Variants in GABRR2 observed in about 807,000 individuals in gnomAD.
GABRR2 encodes gamma-aminobutyric acid receptor subunit rho-2.
A neutral mutation model predicts 47.0 loss-of-function variants in GABRR2; 36 were observed. That is an observed-to-expected ratio of 0.77 (90% CI 0.59 to 1.01). The LOEUF is 1.01. Among genes scored for constraint, GABRR2 ranks in the 50% least tolerant of loss-of-function variants. GABRR2 has a pLI of 0.00. For missense variants in GABRR2, 587 were observed against 594.6 expected (o/e 0.99, Z 0.13); for synonymous variants, 204 against 227.5 (o/e 0.90, Z 0.93).
At chr6:89,295,534 G>A (rs1035983959) in intron 2 of GABRR2, among the ~76,000 whole-genome samples, 12 of 152,126 alleles carry the variant, frequency 7.9e-5, no homozygotes, top group Admixed American at 7.9e-4. Context: ...TTAGCCCTGT[G>A]TCAGATGAGT....
chr6:89,291,582 C>A (rs771929150), intron 2 of GABRR2, among the ~76,000 whole-genome samples: 1 of 152,004 alleles, frequency 6.6e-6, no homozygotes, highest in Non-Finnish European at 1.5e-5. Context: ...TTTTCCTCAC[C>A]GCTGGTGCTC....
At chr6:89,298,606 A>G (rs1195916607) in intron 2 of GABRR2, among the ~76,000 whole-genome samples, 6 of 152,214 alleles carry the variant, frequency 3.9e-5, no homozygotes, top group African/African-American at 1.4e-4. Flanking sequence ...AGGTTCATCA[A>G]CTGAAATTCT....
At position 89,315,228 on chromosome 6, in the gene GABRR2, CT is replaced by C. The variant is rs754285062; in HGVS notation, c.-64del. ...TAGCCTGTGGCAGAGCAAATCCCCC[CT>C]GGCTTGACCATTGATCCATCTGCTG... On this transcript the variant is annotated 5_prime_UTR_variant, in exon 1 of 9. Transcript: ENST00000402938. 8 of 1,609,188 alleles carry C rather than the reference CT, an allele frequency of 5.0e-6. No homozygotes were observed. In the Admixed American group the frequency reaches 1.0e-4, roughly 20 times the overall value.
intron 1 of GABRR2, among the ~76,000 whole-genome samples, chr6:89,301,366 C>A (rs558406528): frequency 7.2e-4 from 110 of 152,184 alleles, no homozygotes; most frequent in African/African-American, 2.6e-3. Context: ...TATTGTAAGT[C>A]CTGGCCAGGG....
chr6:89,270,991 C>T (rs1582443143), intron 3 of GABRR2, among the ~76,000 whole-genome samples: 1 of 152,258 alleles, frequency 6.6e-6, no homozygotes, highest in South Asian at 2.1e-4. Flanking sequence ...TCAGGGAAGC[C>T]TCTTTGAAGA....
At position 89,256,005 on chromosome 6, in the gene GABRR2, G is replaced by T. The variant is rs921375463; in HGVS notation, c.*1665C>A. Among the ~76,000 whole-genome samples, 1 of 151,702 alleles carries T rather than the reference G, an allele frequency of 6.6e-6. No individual in the cohort carries two copies. Among genetic ancestry groups the T allele is most frequent in the African/African-American group, 2.4e-5 (1 of 41,248 alleles). The stretch of plus-strand genomic sequence containing the variant: ...AGCTCACGGCAGCCTGGAATTCCTG[G>T]GCTCAAGCAATCCTCCCGCCTCAGC... On this transcript the variant is annotated 3_prime_UTR_variant, in exon 9 of 9. Transcript: ENST00000402938.
intron 8 of GABRR2, among the ~76,000 whole-genome samples, chr6:89,259,461 T>C (rs1002364931): frequency 6.6e-6 from 1 of 152,070 alleles, no homozygotes; most frequent in Non-Finnish European, 1.5e-5. Flanking sequence ...TCATTATTAG[T>C]TTCTGTGTCT....
In GABRR2 at chr6:89,265,712, A is replaced by G; in HGVS notation, c.790T>C (p.Phe264Leu). ...GCAGGGAAATATGTTTGGAGCAAGA[A>G]GAAGAAGATGTGGCGACGCAACGTG... ...NFTLRRHIFFFLLQTYFPATL... is the reference protein window; with the variant it reads ...NFTLRRHIFFLLLQTYFPATL... Residue 264 changes from phenylalanine to leucine, a missense_variant, in exon 7 of 9, where the codon TTC (phenylalanine) becomes CTC (leucine). Coordinates refer to ENST00000402938, the MANE Select transcript of GABRR2 (RefSeq NM_002043.5). 6.2e-7 allele frequency: 1 copy of G among 1,614,158 alleles called. No individual in the cohort carries two copies. The highest frequency in any genetic ancestry group is 8.5e-7 in the Non-Finnish European group (1 of 1,180,018).
rs769738918 is a variant in GABRR2 at position 89,265,672 on chromosome 6, A to G, written c.830T>C (p.Met277Thr). 2.5e-6 allele frequency: 4 copies of G among 1,614,236 alleles called. No individual in the cohort carries two copies. Among genetic ancestry groups the G allele is most frequent in the Non-Finnish European group, 3.4e-6 (4 of 1,180,044 alleles). Residue 277 changes from methionine to threonine, a missense_variant, in exon 7 of 9, where the codon ATG (methionine) becomes ACG (threonine). Physicochemically the swap from Met to Thr is moderately conservative, Grantham distance 81 (BLOSUM62 -1). Coordinates refer to ENST00000402938, the MANE Select transcript of GABRR2 (RefSeq NM_002043.5). ...QTYFPATLMV[M>T]LSWVSFWIDR... ...GATCCAGAAGGACACCCAGGACAGC[A>G]TGACCATCAGAGTGGCAGGGAAATA...
At chr6:89,292,099 A>C (rs1040161044) in intron 2 of GABRR2, among the ~76,000 whole-genome samples, 1 of 152,114 alleles carries the variant, frequency 6.6e-6, no homozygotes, top group Non-Finnish European at 1.5e-5. Flanking sequence ...AGCTCAAAAA[A>C]TACATATGTG....
chr6:89,297,643 T>C (rs1311543503), intron 2 of GABRR2, among the ~76,000 whole-genome samples: 2 of 152,054 alleles, frequency 1.3e-5, no homozygotes, highest in African/African-American at 4.8e-5. Flanking sequence ...TCACTTGAGG[T>C]CAGGAGTTCA....
chr6:89,259,395 C>T (rs1773685818), intron 8 of GABRR2, among the ~76,000 whole-genome samples: 1 of 152,072 alleles, frequency 6.6e-6, no homozygotes, highest in South Asian at 2.1e-4. Context: ...TATTCTTATC[C>T]TTGAAGAAAT....
At chr6:89,260,312 C>T (rs960345808) in intron 8 of GABRR2, among the ~76,000 whole-genome samples, 3 of 152,138 alleles carry the variant, frequency 2.0e-5, no homozygotes, top group African/African-American at 7.2e-5. Flanking sequence ...TTCTTCTTCT[C>T]CTTGCTCTAA....
At chr6:89,293,252 T>C (rs928954891) in intron 2 of GABRR2, among the ~76,000 whole-genome samples, 5 of 152,172 alleles carry the variant, frequency 3.3e-5, no homozygotes, top group African/African-American at 1.2e-4. Context: ...TAGTCAATTA[T>C]GGAGACAGAA....
At chr6:89,299,925 T>C in intron 1 of GABRR2, 60 bp from the exon 2 acceptor site, 1 of 1,103,434 alleles carries the variant, frequency 9.1e-7, no homozygotes, top group Admixed American at 1.7e-5. Flanking sequence ...AGTGAGATGA[T>C]TTGGGCTATT....
At position 89,256,920 on chromosome 6, in the gene GABRR2, A is replaced by C. The variant is rs977241235; in HGVS notation, c.*750T>G. On this transcript the variant is annotated 3_prime_UTR_variant, in exon 9 of 9. Coordinates refer to ENST00000402938, the MANE Select transcript of GABRR2 (RefSeq NM_002043.5). ...GCCTTATATGCCTAAGAGTAAAAGC[A>C]ACAGCAAACAGAATGGGTCTGTGGG... Among the ~76,000 whole-genome samples, 1 of 152,184 alleles carries C rather than the reference A, an allele frequency of 6.6e-6. No individual in the cohort carries two copies. Among genetic ancestry groups the C allele is most frequent in the Non-Finnish European group, 1.5e-5 (1 of 68,032 alleles).
chr6:89,301,713 G>A (rs912093557), intron 1 of GABRR2: 2 of 623,910 alleles, frequency 3.2e-6, no homozygotes, highest in Non-Finnish European at 5.9e-6. Context: ...ACCACTCAAA[G>A]AAATCAGAGA....
At chr6:89,262,112 A>G (rs865829128) in intron 8 of GABRR2, among the ~76,000 whole-genome samples, 2 of 152,098 alleles carry the variant, frequency 1.3e-5, no homozygotes, top group Non-Finnish European at 2.9e-5. Context: ...TCCACCAGCC[A>G]TAACTACAGC....
intron 2 of GABRR2, among the ~76,000 whole-genome samples, chr6:89,288,335 G>A (rs1774368241): frequency 6.6e-6 from 1 of 152,138 alleles, no homozygotes; most frequent in Admixed American, 6.5e-5. Context: ...TGGAAAAGGA[G>A]GAAAGGAGGA....
Sources: gnomAD v4.1 joint callset for allele counts (sites outside exome capture counted in the v4.1 genomes callset) on GRCh38, gnomAD v4.1.1 for gene constraint, MANE v1.5 for transcripts, NCBI Gene and HGNC (gene_info 2026-07-23, HGNC 2026-07-21) for gene names.